The following PDE11A variants were observed in gnomAD, a reference collection of about 807,000 sequenced individuals.
The protein encoded by PDE11A is dual 3',5'-cyclic-AMP and -GMP phosphodiesterase 11A.
Under a neutral mutation model 100.5 loss-of-function variants are expected in PDE11A, and 100 were observed. That is an observed-to-expected ratio of 1.00 (90% CI 0.85 to 1.18). The LOEUF is 1.18. Among genes scored for constraint, PDE11A ranks in the 50% most tolerant of loss-of-function variants. The pLI is 0.00. For missense variants in PDE11A, 1,141 were observed against 1,152.6 expected (o/e 0.99, Z 0.15); for synonymous variants, 381 against 420.8 (o/e 0.91, Z 1.16).
At chr2:177,823,557 G>C (rs900903319) in intron 6 of PDE11A, among the ~76,000 whole-genome samples, 3 of 152,098 alleles carry the variant, frequency 2.0e-5, no homozygotes, top group African/African-American at 7.2e-5. Context: ...TATCAGATGA[G>C]ACTTAGGGAG....
At chr2:177,858,496 T>C (rs1046418156) in intron 5 of PDE11A, among the ~76,000 whole-genome samples, 1 of 150,296 alleles carries the variant, frequency 6.7e-6, no homozygotes, top group African/African-American at 2.4e-5. Context: ...CATGAAAAAA[T>C]GCTCATCATC....
intron 19 of PDE11A, among the ~76,000 whole-genome samples, chr2:177,647,589 C>T (rs760699770): frequency 5.9e-5 from 9 of 152,186 alleles, no homozygotes; most frequent in South Asian, 2.1e-4. Context: ...GCATTTCTTG[C>T]AAGAGTTTAA....
intron 2 of PDE11A, among the ~76,000 whole-genome samples, chr2:177,906,925 A>G (rs74908057): frequency 0.019 from 2,838 of 152,332 alleles, 52 homozygotes; most frequent in South Asian, 0.046. Flanking sequence ...GACAATGACT[A>G]TAACGGGGAT....
chr2:177,855,069 G>C (rs1208370571), intron 5 of PDE11A, among the ~76,000 whole-genome samples: 1 of 152,048 alleles, frequency 6.6e-6, no homozygotes, highest in Non-Finnish European at 1.5e-5. Flanking sequence ...TCATTTCCTT[G>C]ACATTGAAAT....
chr2:177,680,169 T>A (rs1452371685), intron 16 of PDE11A, among the ~76,000 whole-genome samples: 2 of 152,028 alleles, frequency 1.3e-5, no homozygotes, highest in Admixed American at 6.6e-5. Context: ...TCACGAGCTC[T>A]CCCAGCAAAA....
intron 19 of PDE11A, among the ~76,000 whole-genome samples, chr2:177,638,950 C>T (rs186396474): frequency 6.6e-6 from 1 of 152,344 alleles, no homozygotes; most frequent in East Asian, 1.9e-4. Flanking sequence ...AACCTGAAGA[C>T]TCAAAGTGGC....
chr2:177,924,440 T>C (rs2085097558), intron 2 of PDE11A, among the ~76,000 whole-genome samples: 1 of 152,144 alleles, frequency 6.6e-6, no homozygotes, highest in Non-Finnish European at 1.5e-5. Context: ...CTCTTGCAAG[T>C]TAGTTTGATT....
At position 177,876,617 on chromosome 2, in the gene PDE11A, T is replaced by C. The variant is rs1234416770; in HGVS notation, c.1303-694A>G. ...GGCCCTACAGCAGAAGCTTTTTTGA[T>C]TATTTCTTTATTATAAATCTAAAGT... is the stretch of plus-strand genomic sequence containing the variant. On this transcript the variant is annotated intron_variant, in intron 4 of 19. Coordinates refer to ENST00000286063, the MANE Select transcript of PDE11A (RefSeq NM_016953.4). Among the ~76,000 whole-genome samples, 3 of 148,440 alleles carry C rather than the reference T, an allele frequency of 2.0e-5. No homozygotes were observed. The East Asian group carries it at 5.8e-4, about 29-fold the overall frequency.
intron 10 of PDE11A, among the ~76,000 whole-genome samples, chr2:177,757,519 T>C (rs2082106409): frequency 6.6e-6 from 1 of 152,232 alleles, no homozygotes; most frequent in African/African-American, 2.4e-5. Context: ...ATTGGTATCA[T>C]GTTATCCTAC....
intron 9 of PDE11A, among the ~76,000 whole-genome samples, chr2:177,772,542 G>C (rs1433097085): frequency 6.6e-6 from 1 of 152,072 alleles, no homozygotes; most frequent in Non-Finnish European, 1.5e-5. Context: ...TAATTTGGCT[G>C]TCATTTTATT....
intron 1 of PDE11A, among the ~76,000 whole-genome samples, chr2:178,050,825 T>C (rs2086815812): frequency 1.3e-5 from 2 of 151,974 alleles, no homozygotes; most frequent in South Asian, 4.1e-4. Context: ...TAAAAAGAAA[T>C]GAACAAAGCC....
intron 12 of PDE11A, among the ~76,000 whole-genome samples, chr2:177,724,744 G>A (rs774603559): frequency 6.6e-6 from 1 of 152,072 alleles, no homozygotes; most frequent in Non-Finnish European, 1.5e-5. Flanking sequence ...TTGTGGTGGG[G>A]TGTGTACCTC....
intron 1 of PDE11A, among the ~76,000 whole-genome samples, chr2:178,059,338 G>C (rs912751683): frequency 6.6e-6 from 1 of 152,110 alleles, no homozygotes; most frequent in African/African-American, 2.4e-5. Flanking sequence ...CCCCACCCCA[G>C]GCCGGCAGCA....
intron 2 of PDE11A, among the ~76,000 whole-genome samples, chr2:177,906,554 T>A (rs2084792479): frequency 6.6e-6 from 1 of 152,178 alleles, no homozygotes; most frequent in South Asian, 2.1e-4. Flanking sequence ...ACCTCATTTT[T>A]AAAGAAGATA....
chr2:177,819,890 C>CTCTCTCTCTCTCTCTCTG lies in PDE11A; in HGVS notation c.1576+329_1576+330insCAGAGAGAGAGAGAGAGA, dbSNP rs1558954590. ...TCTTTCTCTCTCTCTCTCTCTCTCT[C>CTCTCTCTCTCTCTCTCTG]TCTCTGTCTCTGTCTCTCTCTGGCT... On this transcript the variant is annotated intron_variant, in intron 7 of 19. Transcript: ENST00000286063. Among the ~76,000 whole-genome samples the CTCTCTCTCTCTCTCTCTG allele has an allele frequency of 2.0e-3, 279 of 138,704 alleles. 2 individuals carry two copies. The highest frequency in any genetic ancestry group is 8.0e-3 in the African/African-American group (268 of 33,374). The allele number at this position is 138,704 out of a possible 152,430, so 91.0% of individuals were successfully genotyped here.
At chr2:178,082,054 T>C (rs1052393184) in intron 2 of PDE11A, among the ~76,000 whole-genome samples, 5 of 152,234 alleles carry the variant, frequency 3.3e-5, no homozygotes, top group Admixed American at 6.5e-5. Flanking sequence ...CATCACCACC[T>C]TTAATTAAGT....
At chr2:177,638,979 C>A (rs1265628744) in intron 19 of PDE11A, among the ~76,000 whole-genome samples, 2 of 152,198 alleles carry the variant, frequency 1.3e-5, no homozygotes, top group Non-Finnish European at 2.9e-5. Context: ...GATCTCTGGG[C>A]TTTTTCTGTG....
At chr2:178,102,523 C>T (rs570372267) in intron 2 of PDE11A, among the ~76,000 whole-genome samples, 9 of 144,672 alleles carry the variant, frequency 6.2e-5, no homozygotes, top group Admixed American at 1.5e-4. Flanking sequence ...ATCCACCTGC[C>T]TTGGCTTCCC....
At chr2:177,801,226 T>C (rs2082789004) in intron 9 of PDE11A, among the ~76,000 whole-genome samples, 1 of 152,216 alleles carries the variant, frequency 6.6e-6, no homozygotes, top group African/African-American at 2.4e-5. Context: ...TTTAGTCACT[T>C]TTTATTAAAA....
Sources: gnomAD v4.1 joint callset for allele counts (sites outside exome capture counted in the v4.1 genomes callset) on GRCh38, gnomAD v4.1.1 for gene constraint, MANE v1.5 for transcripts, NCBI Gene and HGNC (gene_info 2026-07-23, HGNC 2026-07-21) for gene names.